Variants in BEND3 observed in about 807,000 individuals in gnomAD.
BEND3 encodes BEN domain containing 3, also known as BEN domain-containing protein 3.
Under a neutral mutation model 60.1 loss-of-function variants are expected in BEND3, and 13 were observed. The observed-to-expected ratio is 0.22, with a 90% confidence interval of 0.14 to 0.34. The LOEUF (loss-of-function observed/expected upper bound fraction) is 0.34, where lower values mean the gene tolerates loss of function less well. BEND3 is among the 10% of genes least tolerant of loss of function. BEND3 has a pLI of 1.00. For missense variants in BEND3, 896 were observed against 1,138.1 expected (o/e 0.79, Z 3.06); for synonymous variants, 497 against 491.5 (o/e 1.01, Z -0.15).
At chr6:107,079,904 T>G (rs533167591) in intron 3 of BEND3, among the ~76,000 whole-genome samples, 1 of 152,194 alleles carries the variant, frequency 6.6e-6, no homozygotes, top group East Asian at 1.9e-4. Context: ...ACTTTTTTTT[T>G]TTTTTAAATA....
intron 1 of BEND3, among the ~76,000 whole-genome samples, chr6:107,103,915 G>A (rs191357699): frequency 2.8e-5 from 4 of 142,024 alleles, no homozygotes; most frequent in East Asian, 4.2e-4. Flanking sequence ...GCCATTCAAC[G>A]CCAGGCTAGG....
In BEND3 at chr6:107,069,958, G is replaced by A. The variant is rs535651030; in HGVS notation, c.1233C>T (p.Ala411=). ...LDEASSPGEF[A]VFLLHRLFPE... is the part of the protein sequence containing the mutation. ...GGAAGAGCCGGTGGAGGAGGAAGAC[G>A]GCAAACTCGCCTGGTGAGGAGGCTT... The change falls in exon 4 of 4, where the codon GCC becomes GCT. Residue 411 remains alanine, a synonymous_variant. Transcript: ENST00000369042. The A allele has an allele frequency of 9.9e-6, 16 of 1,613,848 alleles. No individual in the cohort carries two copies. The East Asian group carries it at 1.6e-4, about 16-fold the overall frequency.
In BEND3 at chr6:107,098,659, C is replaced by T. The variant is rs1182245498; in HGVS notation, c.132G>A (p.Val44=). Residue 44 remains valine (V), a synonymous_variant, in exon 3 of 4, where the codon GTG becomes GTA. Transcript: ENST00000369042. ...VNSRTSEKHS[V]DSVLTALQDS... is the part of the protein sequence containing the mutation. ...CCTGCAGGGCAGTGAGGACGCTGTC[C>T]ACAGAGTGCTTCTCAGAAGTCCTGG... 6.2e-7 allele frequency: 1 copy of T among 1,613,952 alleles called. No homozygotes were observed. The highest frequency in any genetic ancestry group is 8.5e-7 in the Non-Finnish European group (1 of 1,180,036).
At chr6:107,078,551 T>G (rs1775148529) in intron 3 of BEND3, among the ~76,000 whole-genome samples, 2 of 15,242 alleles carry the variant, frequency 1.3e-4, no homozygotes, top group Non-Finnish European at 2.8e-4. Context: ...GCCTCCTGGG[T>G]TCATGCCATT....
At chr6:107,100,958 T>C (rs1199329723) in intron 1 of BEND3, among the ~76,000 whole-genome samples, 1 of 152,082 alleles carries the variant, frequency 6.6e-6, no homozygotes, top group Non-Finnish European at 1.5e-5. Context: ...TCCCAGCACT[T>C]TGGGAGGCTG....
At chr6:107,076,860 T>C (rs143332090) in intron 3 of BEND3, among the ~76,000 whole-genome samples, 70 of 152,174 alleles carry the variant, frequency 4.6e-4, no homozygotes, top group African/African-American at 1.6e-3. Flanking sequence ...TGAGACAGGA[T>C]CTCACTCTGT....
At position 107,069,630 on chromosome 6, in the gene BEND3, G is replaced by A. The variant is rs782711728; in HGVS notation, c.1561C>T (p.Arg521Trp). The part of the protein sequence containing the change: ...VKVEDSFEGE[R>W]PGRRSKKIWL... ...ATCTTCTTGGAGCGGCGACCCGGCCGCTCGCCCTCGAAGCTGTCCTCCACC... is the reference window on the plus strand; with the variant it reads ...ATCTTCTTGGAGCGGCGACCCGGCCACTCGCCCTCGAAGCTGTCCTCCACC... The change falls in exon 4 of 4, where the codon CGG becomes TGG. Residue 521 changes from arginine to tryptophan, a missense_variant. Physicochemically the swap from Arg to Trp is moderately radical, Grantham distance 101. This residue lies in a region of BEND3 where 846 missense variants were observed against 1,036.7 expected (regional missense o/e 0.82). Transcript: ENST00000369042. 5 of 1,610,790 alleles carry A rather than the reference G, an allele frequency of 3.1e-6. No individual in the cohort carries two copies. Among genetic ancestry groups the A allele is most frequent in the East Asian group, 2.2e-5 (1 of 44,870 alleles).
chr6:107,099,682 A>G (rs1285220640), intron 1 of BEND3, among the ~76,000 whole-genome samples: 1 of 152,190 alleles, frequency 6.6e-6, no homozygotes, highest in Non-Finnish European at 1.5e-5. Context: ...GATGGGGGCC[A>G]TGGATCCTGA....
chr6:107,109,791 T>C lies in BEND3; in HGVS notation c.-12+5299A>G, dbSNP rs9398115. On this transcript the variant is annotated intron_variant, in intron 1 of 3. Transcript: ENST00000369042. ...CAGGAGGCTGAGGCAGGAGAATTGC[T>C]TGAACCTGGGAGGCGGTGGTTGCAG... is the stretch of plus-strand genomic sequence containing the variant. Among the ~76,000 whole-genome samples the C allele has an allele frequency of 0.017, 2,639 of 152,130 alleles. 88 individuals are homozygous for C. The East Asian group carries it at 0.17, about 10-fold the overall frequency.
intron 3 of BEND3, among the ~76,000 whole-genome samples, chr6:107,080,182 A>T (rs1470309209): frequency 6.6e-6 from 1 of 151,810 alleles, no homozygotes; most frequent in Non-Finnish European, 1.5e-5. Context: ...AGATTGCTTG[A>T]GCCCAGTAGT....
chr6:107,104,662 C>T (rs1043426734), intron 1 of BEND3, among the ~76,000 whole-genome samples: 3 of 150,920 alleles, frequency 2.0e-5, no homozygotes, highest in Non-Finnish European at 4.4e-5. Flanking sequence ...TAATTTTTTA[C>T]TGGTTTTTCT....
intron 3 of BEND3, among the ~76,000 whole-genome samples, chr6:107,083,743 C>T (rs1282762485): frequency 6.6e-6 from 1 of 151,564 alleles, no homozygotes; most frequent in African/African-American, 2.4e-5. Context: ...AATTATGATA[C>T]TCAAAAAGTA....
intron 3 of BEND3, among the ~76,000 whole-genome samples, chr6:107,075,423 G>A (rs1486768579): frequency 6.6e-6 from 1 of 152,034 alleles, no homozygotes; most frequent in Admixed American, 6.6e-5. Flanking sequence ...TATAACTGTG[G>A]GTCACTGTGG....
chr6:107,069,833 T>C lies in BEND3; in HGVS notation c.1358A>G (p.Asn453Ser), dbSNP rs1554231614. The change falls in exon 4 of 4, where the codon AAC becomes AGC. Residue 453 changes from asparagine to serine, a missense_variant. This residue lies in a region of BEND3 where 846 missense variants were observed against 1,036.7 expected (regional missense o/e 0.82). Transcript: ENST00000369042. ...GTCAGGGAAGTAGATCTCCGTGTAG[T>C]TGCGGATGATCTGCAGCCGCTGCGG... The part of the protein sequence containing the change: ...LDPQRLQIIR[N>S]YTEIYFPDMQ... The C allele has an allele frequency of 1.2e-6, 2 of 1,613,576 alleles. No individual in the cohort carries two copies. The highest frequency in any genetic ancestry group is 1.1e-5 in the South Asian group (1 of 91,082).
chr6:107,098,009 A>G (rs1274237581), intron 3 of BEND3, among the ~76,000 whole-genome samples: 10 of 151,882 alleles, frequency 6.6e-5, no homozygotes, highest in African/African-American at 2.4e-4. Context: ...GTTAAAACAA[A>G]CCAATTAAAC....
chr6:107,102,812 G>A (rs1220874451), intron 1 of BEND3, among the ~76,000 whole-genome samples: 8 of 152,128 alleles, frequency 5.3e-5, no homozygotes, highest in African/African-American at 1.9e-4. Context: ...CCAGGCACTG[G>A]GCTGGCCACT....
intron 3 of BEND3, among the ~76,000 whole-genome samples, chr6:107,072,810 C>A (rs1554232242): frequency 6.6e-6 from 1 of 152,054 alleles, no homozygotes; most frequent in Admixed American, 6.6e-5. Context: ...TGGCGAAACA[C>A]TGTCTCTACT....
At chr6:107,077,605 A>C (rs978260455) in intron 3 of BEND3, among the ~76,000 whole-genome samples, 1 of 152,196 alleles carries the variant, frequency 6.6e-6, no homozygotes, top group Non-Finnish European at 1.5e-5. Context: ...AACTATAATG[A>C]AGGGAAAAGA....
At chr6:107,078,548 G>T (rs1375569378) in intron 3 of BEND3, among the ~76,000 whole-genome samples, 1 of 16,604 alleles carries the variant, frequency 6.0e-5, no homozygotes, top group Non-Finnish European at 1.3e-4. Flanking sequence ...TCTGCCTCCT[G>T]GGTTCATGCC....
Sources: gnomAD v4.1 joint callset for allele counts (sites outside exome capture counted in the v4.1 genomes callset) on GRCh38, gnomAD v4.1.1 for gene constraint, gnomAD v4.1.1 regional missense constraint, MANE v1.5 for transcripts, NCBI Gene and HGNC (gene_info 2026-07-23, HGNC 2026-07-21) for gene names.